Variants in ZBTB20 observed in about 807,000 individuals in gnomAD.
ZBTB20 encodes zinc finger and BTB domain containing 20.
ZBTB20 carries 9 observed loss-of-function variants against 56.9 expected under a neutral mutation model. The observed-to-expected ratio is 0.16, with a 90% confidence interval of 0.10 to 0.28. The LOEUF is 0.28. Ranked by LOEUF, ZBTB20 falls within the 10% of genes least tolerant of loss-of-function variation. The pLI is 1.00. For synonymous variants in ZBTB20, 417 were observed against 420.7 expected (o/e 0.99, Z 0.11); for missense variants, 655 against 1,003.0 (o/e 0.65, Z 4.69).
intron 3 of ZBTB20, among the ~76,000 whole-genome samples, chr3:114,973,533 T>G (rs1203770581): frequency 6.6e-6 from 1 of 152,162 alleles, no homozygotes; most frequent in Non-Finnish European, 1.5e-5. Flanking sequence ...TGCTGCTGCA[T>G]TTGGAACAAT....
intron 7 of ZBTB20, among the ~76,000 whole-genome samples, chr3:114,426,671 T>G (rs2089699966): frequency 6.6e-6 from 1 of 152,116 alleles, no homozygotes; most frequent in Admixed American, 6.5e-5. Flanking sequence ...CCTCATGCAC[T>G]GAAGAACATC....
intron 4 of ZBTB20, among the ~76,000 whole-genome samples, chr3:114,878,612 AC>A (rs2076286262): frequency 1.3e-5 from 2 of 150,000 alleles, no homozygotes. Context: ...AAAACCAGGG[AC>A]CCTTGACTCT....
intron 6 of ZBTB20, among the ~76,000 whole-genome samples, chr3:114,605,026 A>C (rs939729818): frequency 1.1e-4 from 17 of 151,958 alleles, no homozygotes; most frequent in Non-Finnish European, 2.4e-4. Flanking sequence ...AATATTTATC[A>C]ATCTTCTATA....
intron 3 of ZBTB20, among the ~76,000 whole-genome samples, chr3:114,901,297 C>T (rs187171711): frequency 1.3e-5 from 2 of 151,960 alleles, no homozygotes; most frequent in East Asian, 1.9e-4. Flanking sequence ...TGAAAGCAAA[C>T]GGACATGTTT....
intron 10 of ZBTB20, among the ~76,000 whole-genome samples, chr3:114,353,048 A>G (rs2108227544): frequency 6.6e-6 from 1 of 152,334 alleles, no homozygotes; most frequent in African/African-American, 2.4e-5. Context: ...TGGCTACAGC[A>G]GTAGATCTTA....
At chr3:115,061,891 G>A (rs2082026113) in intron 2 of ZBTB20, among the ~76,000 whole-genome samples, 1 of 151,790 alleles carries the variant, frequency 6.6e-6, no homozygotes, top group South Asian at 2.1e-4. Context: ...AATTTTTTTT[G>A]TTCAGGCAGC....
chr3:114,886,600 T>G (rs2076610451), intron 4 of ZBTB20, among the ~76,000 whole-genome samples: 2 of 152,208 alleles, frequency 1.3e-5, no homozygotes, highest in African/African-American at 4.8e-5. Context: ...TCAACACACA[T>G]GGATTGACAG....
chr3:114,864,127 A>G lies in ZBTB20; in HGVS notation c.-417+36177T>C, dbSNP rs147493242. Among the ~76,000 whole-genome samples the G allele has an allele frequency of 6.6e-5, 10 of 152,240 alleles. No homozygotes were observed. The East Asian group carries it at 1.7e-3, about 26-fold the overall frequency. On this transcript the variant is annotated intron_variant, in intron 4 of 11. Transcript: ENST00000675478. ...CCACCTGCTGGCTCAGTGAATTTGTAAAACTGAAATCTGTTATCTAAAAAT... is the reference window on the plus strand; with the variant it reads ...CCACCTGCTGGCTCAGTGAATTTGTGAAACTGAAATCTGTTATCTAAAAAT...
chr3:115,113,767 G>A (rs1029208259), intron 1 of ZBTB20, among the ~76,000 whole-genome samples: 11 of 152,136 alleles, frequency 7.2e-5, no homozygotes, highest in Admixed American at 5.9e-4. Flanking sequence ...AAATGTGGAA[G>A]CAGCAGCAGC....
intron 4 of ZBTB20, among the ~76,000 whole-genome samples, chr3:114,859,300 T>C (rs1260166141): frequency 6.8e-6 from 1 of 146,526 alleles, no homozygotes; most frequent in South Asian, 2.2e-4. Context: ...TCCTTCCTTC[T>C]TTCCTTCCTT....
In ZBTB20 at chr3:114,405,397, A is replaced by G. The variant is rs139077023; in HGVS notation, c.-254-16292T>C. ...ACAATTTGAGTTTCACTTCCTCCAAATCTCTCAGTTAGAGGATCCCTCTCA... is the reference window on the plus strand; with the variant it reads ...ACAATTTGAGTTTCACTTCCTCCAAGTCTCTCAGTTAGAGGATCCCTCTCA... On this transcript the variant is annotated intron_variant, in intron 7 of 11. Coordinates refer to ENST00000675478, the MANE Select transcript of ZBTB20 (RefSeq NM_001348800.3). 2.8e-3 allele frequency among the ~76,000 whole-genome samples: 431 copies of G among 152,204 alleles called. 4 individuals carry two copies. The highest frequency in any genetic ancestry group is 9.7e-3 in the African/African-American group (401 of 41,504).
intron 1 of ZBTB20, among the ~76,000 whole-genome samples, chr3:115,084,799 T>C (rs2082926693): frequency 6.6e-6 from 1 of 152,028 alleles, no homozygotes; most frequent in South Asian, 2.1e-4. Context: ...TGTTGAGACT[T>C]AGAACCCACC....
At chr3:114,896,159 A>T (rs1307139047) in intron 4 of ZBTB20, among the ~76,000 whole-genome samples, 2 of 152,172 alleles carry the variant, frequency 1.3e-5, no homozygotes, top group Non-Finnish European at 2.9e-5. Flanking sequence ...ACAACCTAAA[A>T]GGCTTTATTC....
intron 6 of ZBTB20, among the ~76,000 whole-genome samples, chr3:114,678,993 T>C (rs1271625934): frequency 6.6e-6 from 1 of 152,108 alleles, no homozygotes; most frequent in African/African-American, 2.4e-5. Flanking sequence ...TGAGGTAAGG[T>C]CCTAGGTGCT....
chr3:114,440,804 C>CTAT (rs1272047004), intron 7 of ZBTB20, among the ~76,000 whole-genome samples: 1 of 152,170 alleles, frequency 6.6e-6, no homozygotes, highest in African/African-American at 2.4e-5. Context: ...GCAGAACCTG[C>CTAT]TCATCAACAC....
At chr3:114,891,740 G>C (rs1173922174) in intron 4 of ZBTB20, among the ~76,000 whole-genome samples, 1 of 152,116 alleles carries the variant, frequency 6.6e-6, no homozygotes, top group African/African-American at 2.4e-5. Flanking sequence ...CTTCTTAAAT[G>C]AGTTTAAACA....
rs549013470 is a variant in ZBTB20 at position 114,893,904 on chromosome 3, A to G, written c.-417+6400T>C. Among the ~76,000 whole-genome samples, 23 of 152,308 alleles carry G rather than the reference A, an allele frequency of 1.5e-4. No homozygotes were observed. The South Asian group carries it at 4.6e-3, about 30-fold the overall frequency. ...AGCTTTATCAGGTTCAGGAGCGCTA[A>G]AACACTAAGCCTTCGAAGACAATTG... On this transcript the variant is annotated intron_variant, in intron 4 of 11. Transcript: ENST00000675478.
chr3:114,643,796 T>G (rs1381245525), intron 6 of ZBTB20, among the ~76,000 whole-genome samples: 1 of 152,070 alleles, frequency 6.6e-6, no homozygotes, highest in Non-Finnish European at 1.5e-5. Context: ...GTACAGTTTT[T>G]TCAAATAGAA....
At chr3:114,802,519 C>A (rs535647159) in intron 4 of ZBTB20, among the ~76,000 whole-genome samples, 1 of 151,736 alleles carries the variant, frequency 6.6e-6, no homozygotes, top group East Asian at 1.9e-4. Context: ...AAACTTTTCC[C>A]CCTCCTCTCA....
Sources: gnomAD v4.1 joint callset for allele counts (sites outside exome capture counted in the v4.1 genomes callset) on GRCh38, gnomAD v4.1.1 for gene constraint, MANE v1.5 for transcripts, NCBI Gene and HGNC (gene_info 2026-07-23, HGNC 2026-07-21) for gene names.